MOGAT2: variants seen among roughly 807,000 people sequenced by gnomAD.
The protein encoded by MOGAT2 is monoacylglycerol O-acyltransferase 2.
Under a neutral mutation model 31.5 loss-of-function variants are expected in MOGAT2, and 27 were observed. The observed-to-expected ratio is 0.86, with a 90% CI of 0.63 to 1.18. The LOEUF is 1.18. Ranked by LOEUF, MOGAT2 falls within the 50% of genes most tolerant of loss-of-function variation. MOGAT2 has a pLI of 0.00. For missense variants in MOGAT2, 436 were observed against 433.2 expected, an observed-to-expected ratio of 1.01 and a Z score of -0.06; for synonymous variants, 163 against 170.0, an observed-to-expected ratio of 0.96 and a Z score of 0.32.
At chr11:75,727,675 A>G (rs775159276) in intron 3 of MOGAT2, 36 bp downstream of exon 3, 25 of 1,585,596 alleles carry the variant, frequency 1.6e-5, no homozygotes, top group Non-Finnish European at 2.2e-5. Context: ...TCAGGAAGGT[A>G]ACAAATTTTC....
At chr11:75,720,252 G>T in intron 2 of MOGAT2, 82 bp downstream of exon 2, 2 of 1,478,640 alleles carry the variant, frequency 1.4e-6, no homozygotes, top group Non-Finnish European at 1.8e-6. Flanking sequence ...CTCCATGGGA[G>T]AATATGGCCC....
chr11:75,729,377 A>G (rs192136657), intron 5 of MOGAT2, among the ~76,000 whole-genome samples: 157 of 151,586 alleles, frequency 1.0e-3, no homozygotes, highest in African/African-American at 3.7e-3. Flanking sequence ...TGGGTTCAAG[A>G]GATTCTCATG....
At chr11:75,730,637 G>A (rs754615396) in intron 5 of MOGAT2, among the ~76,000 whole-genome samples, 4 of 152,124 alleles carry the variant, frequency 2.6e-5, no homozygotes, top group Non-Finnish European at 4.4e-5. Flanking sequence ...CTGGCTGGGC[G>A]TGGTGGCTCA....
At chr11:75,727,944 C>A (rs757321725) in intron 3 of MOGAT2, 26 bp from the exon 4 acceptor site, 2 of 1,581,300 alleles carry the variant, frequency 1.3e-6, no homozygotes, top group South Asian at 1.2e-5. Flanking sequence ...TCACCCCATA[C>A]CTGACCCACT....
In MOGAT2 at chr11:75,728,945, A is replaced by G. The variant is rs771259921; in HGVS notation, c.806A>G (p.Tyr269Cys). The change falls in exon 5 of 6, where the codon TAC (tyrosine) becomes TGC (cysteine). Residue 269 changes from tyrosine to cysteine, a missense_variant. Tyr to Cys is a radical substitution (Grantham distance 194). Coordinates refer to ENST00000198801, the MANE Select transcript of MOGAT2 (RefSeq NM_025098.4). The stretch of plus-strand genomic sequence containing the variant: ...TTTCATGGCCGTGGTGTCTTCCAGT[A>G]CAGCTTTGGTTTAATACCCTACCGC... ...PLFHGRGVFQ[Y>C]SFGLIPYRRP... 62 of 1,613,966 alleles carry G rather than the reference A, an allele frequency of 3.8e-5. No homozygotes were observed. The highest frequency in any genetic ancestry group is 5.1e-5 in the Non-Finnish European group (60 of 1,180,026).
intron 2 of MOGAT2, among the ~76,000 whole-genome samples, chr11:75,725,431 T>C (rs758649716): frequency 5.9e-5 from 9 of 152,016 alleles, no homozygotes; most frequent in Non-Finnish European, 1.2e-4. Flanking sequence ...GCCTGTAATC[T>C]AAGCTGTTTG....
Position 75,731,107 on chromosome 11 carries a change from C to T in MOGAT2, c.851-25C>T, listed in dbSNP as rs1488667547. Reference sequence around the variant, plus strand: ...CGAGGGTCCCTTGCCTACCCTAGGCCACTGCACACCTCTATGCCTTGCAGT... The same window carrying T: ...CGAGGGTCCCTTGCCTACCCTAGGCTACTGCACACCTCTATGCCTTGCAGT... On this transcript the variant is annotated intron_variant, in intron 5 of 5. Coordinates refer to ENST00000198801, the MANE Select transcript of MOGAT2 (RefSeq NM_025098.4). The T allele has an allele frequency of 5.6e-6, 9 of 1,609,298 alleles. No individual in the cohort carries two copies. In the South Asian group the frequency reaches 9.9e-5, roughly 18 times the overall value.
Position 75,731,083 on chromosome 11 carries a change from G to C in MOGAT2, c.851-49G>C, listed in dbSNP as rs773422365. 4 of 1,567,880 alleles carry C rather than the reference G, an allele frequency of 2.6e-6. 1 individual carries two copies. Among genetic ancestry groups the C allele is most frequent in the Middle Eastern group, 2.1e-4 (1 of 4,670 alleles). On this transcript the variant is annotated intron_variant, in intron 5 of 5. Coordinates refer to ENST00000198801, the MANE Select transcript of MOGAT2 (RefSeq NM_025098.4). ...AACCATGGGGGTGGGCACCTGCACC[G>C]AGGGTCCCTTGCCTACCCTAGGCCA...
intron 2 of MOGAT2, among the ~76,000 whole-genome samples, chr11:75,721,203 C>T (rs1944374065): frequency 6.6e-6 from 1 of 152,134 alleles, no homozygotes; most frequent in South Asian, 2.1e-4. Flanking sequence ...TCAGTTTCCT[C>T]ATATGTAAAA....
chr11:75,719,988 C>G lies in MOGAT2; in HGVS notation c.92-4C>G. On this transcript the variant is annotated splice_polypyrimidine_tract_variant and splice_region_variant and intron_variant, in intron 1 of 5. Coordinates refer to ENST00000198801, the MANE Select transcript of MOGAT2 (RefSeq NM_025098.4). ...TCCCTGACAGCTCCTTCTTCCCTCCCCAGCCGAGATCTGCACTGTGGGCTT... is the reference window on the plus strand; with the variant it reads ...TCCCTGACAGCTCCTTCTTCCCTCCGCAGCCGAGATCTGCACTGTGGGCTT... 1 of 1,567,842 alleles carries G rather than the reference C, an allele frequency of 6.4e-7. No individual in the cohort carries two copies. Among genetic ancestry groups the G allele is most frequent in the South Asian group, 1.1e-5 (1 of 89,528 alleles).
chr11:75,728,432 A>C (rs1373242159), intron 4 of MOGAT2: 1 of 572,192 alleles, frequency 1.7e-6, no homozygotes, highest in Admixed American at 2.8e-5. Context: ...GGTACATTTC[A>C]GAGCTGTTCT....
chr11:75,720,239 C>T (rs746938605), intron 2 of MOGAT2, 69 bp downstream of exon 2: 22 of 1,528,658 alleles, frequency 1.4e-5, no homozygotes, highest in Admixed American at 9.0e-5. Flanking sequence ...AGAGTGCCGA[C>T]GTCTCCATGG....
intron 2 of MOGAT2, among the ~76,000 whole-genome samples, chr11:75,724,737 G>A (rs1278457293): frequency 6.6e-6 from 1 of 152,096 alleles, no homozygotes; most frequent in East Asian, 1.9e-4. Flanking sequence ...CATCTCCCCA[G>A]TTCCTGTCCT....
intron 5 of MOGAT2, among the ~76,000 whole-genome samples, chr11:75,729,190 T>C (rs1944451612): frequency 6.6e-6 from 1 of 152,210 alleles, no homozygotes; most frequent in Non-Finnish European, 1.5e-5. Context: ...ACAGCAATAG[T>C]TGTGACTAAT....
intron 3 of MOGAT2, 69 bp from the exon 4 acceptor site, chr11:75,727,901 T>C (rs1187054252): frequency 1.7e-5 from 25 of 1,456,034 alleles, no homozygotes; most frequent in Non-Finnish European, 2.1e-5. Context: ...GATCTCTTTA[T>C]GGGCTACATG....
rs367807636 is a variant in MOGAT2, at chr11:75,717,882, C to T, written c.-7C>T. ...AGAACCTGCGGGAGCCAGGCTGACC[C>T]GCCAGCATGGTAGAGTTCGCGCCCT... On this transcript the variant is annotated 5_prime_UTR_variant, in exon 1 of 6. Coordinates refer to ENST00000198801, the MANE Select transcript of MOGAT2 (RefSeq NM_025098.4). The T allele has an allele frequency of 4.5e-5, 72 of 1,613,670 alleles. No individual in the cohort carries two copies. The Middle Eastern group carries it at 4.9e-4, about 11-fold the overall frequency.
chr11:75,718,983 A>T (rs1219466), intron 1 of MOGAT2, among the ~76,000 whole-genome samples: 53,850 of 146,736 alleles, frequency 0.37, 10,242 homozygotes, highest in Non-Finnish European at 0.45. Flanking sequence ...TCTCTCTCTC[A>T]CACACACACA....
rs116310176 is a variant in MOGAT2 at position 75,722,651 on chromosome 11, C to T, written c.270+2481C>T. 7.9e-3 allele frequency among the ~76,000 whole-genome samples: 1,204 copies of T among 152,324 alleles called. 11 individuals are homozygous for T. The highest frequency in any genetic ancestry group is 0.027 in the African/African-American group (1,135 of 41,568). ...AGGCCCTCAGGTCAGAGGGTGGAGG[C>T]CATTGGAGGACATTCCGCAGGACTG... On this transcript the variant is annotated intron_variant, in intron 2 of 5. Coordinates refer to ENST00000198801, the MANE Select transcript of MOGAT2 (RefSeq NM_025098.4).
rs796911647 is a variant in MOGAT2 at position 75,724,659 on chromosome 11, CA to C, written c.271-2763del. On this transcript the variant is annotated intron_variant, in intron 2 of 5. Coordinates refer to ENST00000198801, the MANE Select transcript of MOGAT2 (RefSeq NM_025098.4). The stretch of plus-strand genomic sequence containing the variant: ...CCTGGGTGACAGAGTGAGACTGTCT[CA>C]AAAAAAAAAAAATTCAAAAACAGAC... Among the ~76,000 whole-genome samples, 992 of 139,702 alleles carry C rather than the reference CA, an allele frequency of 7.1e-3. 11 individuals carry two copies. Among genetic ancestry groups the C allele is most frequent in the African/African-American group, 0.023 (863 of 38,098 alleles). 91.6% of individuals were successfully genotyped at this position (139,702 alleles called of 152,430 possible).
Sources: gnomAD v4.1 joint callset for allele counts (sites outside exome capture counted in the v4.1 genomes callset) on GRCh38, gnomAD v4.1.1 for gene constraint, MANE v1.5 for transcripts, NCBI Gene and HGNC (gene_info 2026-07-23, HGNC 2026-07-21) for gene names.